COMMD10: variants seen among roughly 807,000 people sequenced by gnomAD.
COMMD10 encodes COMM domain containing 10.
COMMD10 carries 33 observed loss-of-function variants against 28.9 expected under a neutral mutation model. That is an observed-to-expected ratio of 1.14 (90% CI 0.87 to 1.53). COMMD10 has a LOEUF of 1.53. Among genes scored for constraint, COMMD10 ranks in the 40% most tolerant of loss-of-function variants. The pLI is 0.00. For missense variants in COMMD10, 310 were observed against 233.4 expected (o/e 1.33, Z -2.14); for synonymous variants, 110 against 81.7 (o/e 1.35, Z -1.87).
chr5:116,270,423 G>A (rs1750722715), intron 5 of COMMD10, among the ~76,000 whole-genome samples: 1 of 151,890 alleles, frequency 6.6e-6, no homozygotes. Flanking sequence ...TTGTGGAGAA[G>A]ATATTGACTG....
At chr5:116,224,615 C>G (rs549207280) in intron 5 of COMMD10, among the ~76,000 whole-genome samples, 1 of 152,058 alleles carries the variant, frequency 6.6e-6, no homozygotes, top group Admixed American at 6.5e-5. Context: ...GAACTCAGAG[C>G]GAGAACTCAT....
At chr5:116,153,857 G>A (rs750103396) in intron 5 of COMMD10, among the ~76,000 whole-genome samples, 30 of 152,200 alleles carry the variant, frequency 2.0e-4, no homozygotes, top group Non-Finnish European at 4.0e-4. Flanking sequence ...AAGAGTGAGA[G>A]AATGACCTTG....
chr5:116,284,539 C>T (rs1378263560), intron 5 of COMMD10, among the ~76,000 whole-genome samples: 2 of 151,726 alleles, frequency 1.3e-5, no homozygotes, highest in Admixed American at 6.6e-5. Context: ...CTTTCTGACT[C>T]TGAGGAAAAA....
intron 5 of COMMD10, among the ~76,000 whole-genome samples, chr5:116,189,827 G>A (rs1748292106): frequency 2.0e-5 from 3 of 152,180 alleles, no homozygotes; most frequent in Non-Finnish European, 2.9e-5. Context: ...TTAGCAAAAT[G>A]AAAACCACTT....
intron 4 of COMMD10, among the ~76,000 whole-genome samples, chr5:116,124,953 T>C (rs6865237): frequency 0.5 from 76,559 of 151,972 alleles, 21,894 homozygotes; most frequent in Non-Finnish European, 0.65. Context: ...TTTGAACCTA[T>C]GTGTGTCTCT....
chr5:116,164,192 A>C (rs141954918), intron 5 of COMMD10, among the ~76,000 whole-genome samples: 4,485 of 152,154 alleles, frequency 0.029, 214 homozygotes, highest in African/African-American at 0.1. Flanking sequence ...ATGGTGGCGC[A>C]CGCCTATAAT....
At position 116,092,673 on chromosome 5, in the gene COMMD10, C is replaced by G. The variant is rs574085904; in HGVS notation, c.372C>G (p.Phe124Leu). The G allele has an allele frequency of 3.1e-6, 5 of 1,607,560 alleles. No homozygotes were observed. Among genetic ancestry groups the G allele is most frequent in the Admixed American group, 1.7e-5 (1 of 59,082 alleles). Residue 124 changes from phenylalanine (F) to leucine (L), a missense_variant, in exon 4 of 7, where the codon TTC (phenylalanine) becomes TTG (leucine). Coordinates refer to ENST00000274458, the MANE Select transcript of COMMD10 (RefSeq NM_016144.4). The part of the protein sequence containing the change: ...SSMGQETVEK[F>L]RQRILAPCKL... ...TGGGTCAAGAAACAGTTGAAAAGTT[C>G]CGGCAGAGAATTCTGGCTCCCTGTA...
At chr5:116,151,337 C>T (rs1156230647) in intron 5 of COMMD10, among the ~76,000 whole-genome samples, 3 of 151,996 alleles carry the variant, frequency 2.0e-5, no homozygotes, top group Non-Finnish European at 4.4e-5. Flanking sequence ...GGTTGTGTCT[C>T]TGCCCAGCTT....
At chr5:116,139,467 T>C (rs1469859973) in intron 5 of COMMD10, among the ~76,000 whole-genome samples, 1 of 151,778 alleles carries the variant, frequency 6.6e-6, no homozygotes, top group Non-Finnish European at 1.5e-5. Flanking sequence ...ATATGTATGC[T>C]ATTCAAATCA....
intron 5 of COMMD10, among the ~76,000 whole-genome samples, chr5:116,256,694 A>C (rs1336792006): frequency 6.6e-6 from 1 of 151,886 alleles, no homozygotes; most frequent in Non-Finnish European, 1.5e-5. Flanking sequence ...ATGGGACCCA[A>C]GTCTTAACGT....
At chr5:116,209,211 T>C (rs1748896881) in intron 5 of COMMD10, among the ~76,000 whole-genome samples, 1 of 152,290 alleles carries the variant, frequency 6.6e-6, no homozygotes, top group Admixed American at 6.5e-5. Context: ...GTGGAAATTT[T>C]AATTTTAGTT....
chr5:116,170,038 G>A (rs993306903), intron 5 of COMMD10, among the ~76,000 whole-genome samples: 2 of 152,124 alleles, frequency 1.3e-5, no homozygotes, highest in Non-Finnish European at 2.9e-5. Flanking sequence ...AGGAAGAGAG[G>A]AAGTAAAATT....
chr5:116,268,385 T>C, intron 5 of COMMD10, among the ~76,000 whole-genome samples: 1 of 151,700 alleles, frequency 6.6e-6, no homozygotes, highest in African/African-American at 2.4e-5. Context: ...CAAATGCAAA[T>C]CAAAACCACA....
At chr5:116,196,758 T>C (rs552433555) in intron 5 of COMMD10, among the ~76,000 whole-genome samples, 31 of 152,222 alleles carry the variant, frequency 2.0e-4, no homozygotes, top group Middle Eastern at 3.4e-3. Flanking sequence ...TCACAGTCTA[T>C]ATAATGATTG....
rs1427696922 is a variant in COMMD10 at position 116,252,257 on chromosome 5, C to G, written c.511-39260C>G. 1.1e-4 allele frequency among the ~76,000 whole-genome samples: 16 copies of G among 141,708 alleles called. 2 individuals carry two copies. The highest frequency in any genetic ancestry group is 4.3e-4 in the Admixed American group (6 of 13,884). 93.0% of individuals were successfully genotyped at this position (141,708 alleles called of 152,430 possible). A position where few individuals can be genotyped will look rare whatever the true frequency, so the allele number is the denominator to read the frequency against. On this transcript the variant is annotated intron_variant, in intron 5 of 6. Transcript: ENST00000274458. ...TCTCCCATTTTGTAGGCTGCCTGTT[C>G]ACTCTGATGGTAGTTTCTTTTGCTG...
chr5:116,106,568 A>C (rs1236907724), intron 4 of COMMD10, among the ~76,000 whole-genome samples: 2 of 152,100 alleles, frequency 1.3e-5, no homozygotes, highest in Non-Finnish European at 2.9e-5. Context: ...TGATCTGTCT[A>C]ATATTGATAG....
chr5:116,166,849 A>G (rs751187013), intron 5 of COMMD10, among the ~76,000 whole-genome samples: 2 of 152,142 alleles, frequency 1.3e-5, no homozygotes, highest in East Asian at 1.9e-4. Context: ...AAGGTCACCA[A>G]CATCAAAGAC....
At chr5:116,100,702 C>G (rs574319050) in intron 4 of COMMD10, among the ~76,000 whole-genome samples, 7 of 151,918 alleles carry the variant, frequency 4.6e-5, no homozygotes, top group African/African-American at 1.7e-4. Context: ...ACATTAATAG[C>G]TTTTTGCAGA....
In COMMD10 at chr5:116,291,412, A is replaced by C. The variant is rs1237584468; in HGVS notation, c.511-105A>C. 3 of 784,982 alleles carry C rather than the reference A, an allele frequency of 3.8e-6. No homozygotes were observed. The African/African-American group carries it at 5.4e-5, about 14-fold the overall frequency. The allele number at this position is 784,982 out of a possible 1,614,324, so 48.6% of individuals were successfully genotyped here. A position where few individuals can be genotyped will look rare whatever the true frequency, so the allele number is the denominator to read the frequency against. ...GAGCAGGTAAGCATTTTTTAAAACC[A>C]CTCAGAGGACAATCTTATGTCATAT... On this transcript the variant is annotated intron_variant, in intron 5 of 6. Transcript: ENST00000274458.
Sources: allele counts gnomAD v4.1 joint callset (sites outside exome capture counted in the v4.1 genomes callset), GRCh38; gene constraint gnomAD v4.1.1; transcripts MANE v1.5; gene names NCBI Gene and HGNC (gene_info 2026-07-23, HGNC 2026-07-21).